CD44: variants seen among roughly 807,000 people sequenced by gnomAD.
CD44 encodes the protein CD44 antigen.
In CD44, 49 loss-of-function variants were observed where a neutral mutation model predicts 88.8. The observed-to-expected ratio is 0.55, with a 90% CI of 0.44 to 0.70. The LOEUF (loss-of-function observed/expected upper bound fraction) is 0.70, where lower values mean the gene tolerates loss of function less well. Among genes scored for constraint, CD44 ranks in the 30% least tolerant of loss-of-function variants. CD44 has a pLI of 0.00. For synonymous variants in CD44, 325 were observed against 312.3 expected (o/e 1.04, Z -0.43); for missense variants, 883 against 913.8 (o/e 0.97, Z 0.43).
intron 1 of CD44, among the ~76,000 whole-genome samples, chr11:35,144,741 TG>T (rs1031471747): frequency 1.6e-4 from 25 of 152,340 alleles, no homozygotes; most frequent in African/African-American, 5.1e-4. Context: ...TACCAATTGA[TG>T]TCTAGTGCAT....
At chr11:35,158,426 C>T (rs1257032638) in intron 1 of CD44, among the ~76,000 whole-genome samples, 1 of 152,182 alleles carries the variant, frequency 6.6e-6, no homozygotes, top group African/African-American at 2.4e-5. Flanking sequence ...AAGCAGTTTA[C>T]TTAACTTTTC....
intron 1 of CD44, among the ~76,000 whole-genome samples, chr11:35,149,703 G>A (rs1280862702): frequency 6.6e-6 from 1 of 152,088 alleles, no homozygotes; most frequent in African/African-American, 2.4e-5. Context: ...ACCACTCTGT[G>A]GGCTTACTAA....
chr11:35,215,329 C>T (rs975022228), intron 15 of CD44, among the ~76,000 whole-genome samples: 8 of 152,186 alleles, frequency 5.3e-5, no homozygotes, highest in Non-Finnish European at 7.3e-5. Context: ...TCCAGCCCTC[C>T]GCATATTAAC....
chr11:35,172,987 C>T (rs1944076908), intron 1 of CD44, among the ~76,000 whole-genome samples: 1 of 152,202 alleles, frequency 6.6e-6, no homozygotes, highest in South Asian at 2.1e-4. Context: ...GCTTCTGAAA[C>T]TCAAGGGATT....
At chr11:35,198,028 G>A (rs1421925855) in intron 6 of CD44, 93 bp from the exon 7 acceptor site, 1 of 1,353,282 alleles carries the variant, frequency 7.4e-7, no homozygotes, top group Non-Finnish European at 1.0e-6. Context: ...AAAATCCTGG[G>A]AAATCCATTA....
At chr11:35,171,245 T>C (rs1943848940) in intron 1 of CD44, among the ~76,000 whole-genome samples, 1 of 152,240 alleles carries the variant, frequency 6.6e-6, no homozygotes, top group South Asian at 2.1e-4. Flanking sequence ...TGTTGGCTCC[T>C]TTTAAGTCAA....
chr11:35,191,311 G>C (rs1946251036), intron 5 of CD44, among the ~76,000 whole-genome samples: 1 of 152,216 alleles, frequency 6.6e-6, no homozygotes, highest in South Asian at 2.1e-4. Context: ...CTCTGGCTGA[G>C]GGCATGATAC....
At chr11:35,147,537 TG>T (rs1326498098) in intron 1 of CD44, among the ~76,000 whole-genome samples, 1 of 151,886 alleles carries the variant, frequency 6.6e-6, no homozygotes, top group Non-Finnish European at 1.5e-5. Flanking sequence ...TGGGAACATC[TG>T]GCTCAGTCCA....
intron 1 of CD44, among the ~76,000 whole-genome samples, chr11:35,160,704 G>A (rs990668070): frequency 6.6e-6 from 1 of 152,156 alleles, no homozygotes. Context: ...TAAGAAGCCT[G>A]ATATTAAAAC....
At chr11:35,147,713 T>C (rs917775154) in intron 1 of CD44, among the ~76,000 whole-genome samples, 1 of 152,092 alleles carries the variant, frequency 6.6e-6, no homozygotes, top group Non-Finnish European at 1.5e-5. Context: ...CTAGGCAGCA[T>C]CTTTTTCCAC....
intron 14 of CD44, among the ~76,000 whole-genome samples, chr11:35,212,048 T>C (rs1283287887): frequency 6.6e-6 from 1 of 152,200 alleles, no homozygotes; most frequent in Non-Finnish European, 1.5e-5. Context: ...ACTTCTCTTA[T>C]TGTAATAGTG....
intron 12 of CD44, 27 bp downstream of exon 12, chr11:35,208,233 T>G (rs768426140): frequency 6.1e-5 from 84 of 1,373,432 alleles, no homozygotes; most frequent in Non-Finnish European, 8.5e-5. Context: ...TCAGCCACTT[T>G]ATTGACTTGT....
Position 35,221,677 on chromosome 11 carries a change from C to G in CD44, c.1969C>G (p.Leu657Val), listed in dbSNP as rs367748482. Residue 657 changes from leucine (L) to valine (V), a missense_variant, in exon 17 of 18, where the codon CTC becomes GTC. Coordinates refer to ENST00000428726, the MANE Select transcript of CD44 (RefSeq NM_000610.4). ...IPEWLIILAS[L>V]LALALILAVC... ...AGAATGGCTGATCATCTTGGCATCC[C>G]TCTTGGCCTTGGCTTTGATTCTTGC... is the stretch of plus-strand genomic sequence containing the variant. 5.6e-6 allele frequency: 9 copies of G among 1,614,082 alleles called. No homozygotes were observed. The highest frequency in any genetic ancestry group is 7.6e-6 in the Non-Finnish European group (9 of 1,179,928).
At chr11:35,150,034 G>A (rs193202539) in intron 1 of CD44, among the ~76,000 whole-genome samples, 27 of 151,806 alleles carry the variant, frequency 1.8e-4, no homozygotes, top group Non-Finnish European at 3.2e-4. Flanking sequence ...GGGATTAACT[G>A]CAGGATCTGA....
rs58925112 is a variant in CD44 at position 35,147,142 on chromosome 11, G to T, written c.67+7772G>T. On this transcript the variant is annotated intron_variant, in intron 1 of 17. Coordinates refer to ENST00000428726, the MANE Select transcript of CD44 (RefSeq NM_000610.4). ...TTCATTATTTGTCACCTGGATGAAA[G>T]GTAAAGGTGGCTGATTAGTGTTTCT... is the stretch of plus-strand genomic sequence containing the variant. Among the ~76,000 whole-genome samples, 743 of 152,284 alleles carry T rather than the reference G, an allele frequency of 4.9e-3. 45 individuals carry two copies. The East Asian group carries it at 0.12, about 25-fold the overall frequency.
chr11:35,219,752 C>G (rs190955873), intron 16 of CD44, among the ~76,000 whole-genome samples: 3 of 152,274 alleles, frequency 2.0e-5, no homozygotes, highest in Non-Finnish European at 4.4e-5. Context: ...CCACTTATTT[C>G]TGGGGTCCAA....
chr11:35,166,991 G>A (rs946374998), intron 1 of CD44, among the ~76,000 whole-genome samples: 1 of 152,250 alleles, frequency 6.6e-6, no homozygotes, highest in Admixed American at 6.5e-5. Context: ...GGAGATGGGG[G>A]CGAGTGATGT....
chr11:35,182,355 G>A (rs1226532106), intron 3 of CD44, among the ~76,000 whole-genome samples: 1 of 152,084 alleles, frequency 6.6e-6, no homozygotes, highest in East Asian at 1.9e-4. Context: ...CTGGCTAGTT[G>A]AAATGGAGTG....
chr11:35,143,587 A>G (rs572492490), intron 1 of CD44, among the ~76,000 whole-genome samples: 1 of 152,152 alleles, frequency 6.6e-6, no homozygotes, highest in South Asian at 2.1e-4. Flanking sequence ...CCTTCAATTC[A>G]TTACGTGTCT....
Sources: gnomAD v4.1 joint callset for allele counts (sites outside exome capture counted in the v4.1 genomes callset) on GRCh38, gnomAD v4.1.1 for gene constraint, MANE v1.5 for transcripts, NCBI Gene and HGNC (gene_info 2026-07-23, HGNC 2026-07-21) for gene names.